Variants in XKR4 observed in about 807,000 individuals in gnomAD.
XKR4 encodes XK related 4.
Under a neutral mutation model 53.9 loss-of-function variants are expected in XKR4, and 12 were observed. The observed-to-expected ratio is 0.22, with a 90% CI of 0.14 to 0.36. XKR4 has a LOEUF of 0.36. Ranked by LOEUF, XKR4 falls within the 10% of genes least tolerant of loss-of-function variation. XKR4 has a pLI of 1.00. For synonymous variants in XKR4, 354 were observed against 362.4 expected, an observed-to-expected ratio of 0.98 and a Z score of 0.26; for missense variants, 799 against 859.5, an observed-to-expected ratio of 0.93 and a Z score of 0.88.
intron 2 of XKR4, chr8:55,454,531 G>T (rs943201700): frequency 5.8e-6 from 8 of 1,383,042 alleles, no homozygotes; most frequent in Non-Finnish European, 8.0e-6. Context: ...GGAAGAGCAG[G>T]CCACGCTGCA....
chr8:55,170,207 C>A lies in XKR4; in HGVS notation c.806+66913C>A, dbSNP rs954750566. 1.1e-4 allele frequency among the ~76,000 whole-genome samples: 16 copies of A among 152,144 alleles called. 1 individual carries two copies. Among genetic ancestry groups the A allele is most frequent in the Non-Finnish European group, 2.1e-4 (14 of 68,038 alleles). ...GAATAACGGGCCCCCCAAATATATT[C>A]GTATCCTAATGCCTGGAACCTGTGA... is the stretch of plus-strand genomic sequence containing the variant. On this transcript the variant is annotated intron_variant, in intron 1 of 2. Transcript: ENST00000327381.
chr8:55,299,875 G>A (rs1279003894), intron 1 of XKR4, among the ~76,000 whole-genome samples: 3 of 152,104 alleles, frequency 2.0e-5, no homozygotes, highest in Admixed American at 2.0e-4. Context: ...GGGTTGCTGT[G>A]TTCCAGGACC....
intron 1 of XKR4, among the ~76,000 whole-genome samples, chr8:55,207,114 C>T (rs1817661117): frequency 6.6e-6 from 1 of 152,208 alleles, no homozygotes; most frequent in Non-Finnish European, 1.5e-5. Context: ...AGAGGTCCTG[C>T]CCCAGATGGC....
chr8:55,209,888 A>G (rs1221495804), intron 1 of XKR4, among the ~76,000 whole-genome samples: 1 of 152,274 alleles, frequency 6.6e-6, no homozygotes, highest in African/African-American at 2.4e-5. Context: ...TTTTGAACGT[A>G]TATTTTTTCC....
At chr8:55,311,848 A>G (rs1215726218) in intron 1 of XKR4, among the ~76,000 whole-genome samples, 6 of 145,296 alleles carry the variant, frequency 4.1e-5, no homozygotes, top group South Asian at 2.2e-4. Flanking sequence ...AAAAAAAAAA[A>G]AAAGAAAAGA....
At chr8:55,175,582 A>G (rs1817220761) in intron 1 of XKR4, among the ~76,000 whole-genome samples, 2 of 152,338 alleles carry the variant, frequency 1.3e-5, no homozygotes, top group Middle Eastern at 3.4e-3. Context: ...AATTATGTCA[A>G]ATGTTAGTTC....
In XKR4 at chr8:55,468,235, A is replaced by G. The variant is rs560718542; in HGVS notation, c.1007-55046A>G. ...AGAGAGATGAATGTATCATTCCTCT[A>G]AATGACTTGGTCGTGGGAAATATAC... On this transcript the variant is annotated intron_variant, in intron 2 of 2. Transcript: ENST00000327381. 2.0e-5 allele frequency among the ~76,000 whole-genome samples: 3 copies of G among 152,262 alleles called. No homozygotes were observed. In the East Asian group the frequency reaches 5.8e-4, roughly 29 times the overall value.
intron 1 of XKR4, among the ~76,000 whole-genome samples, chr8:55,118,725 C>T (rs1443104480): frequency 6.6e-6 from 1 of 152,206 alleles, no homozygotes; most frequent in Non-Finnish European, 1.5e-5. Context: ...GGCTCACCAA[C>T]TTTATTCTGG....
At chr8:55,334,789 T>TA (rs973621891) in intron 1 of XKR4, among the ~76,000 whole-genome samples, 3 of 152,118 alleles carry the variant, frequency 2.0e-5, no homozygotes, top group African/African-American at 7.2e-5. Flanking sequence ...GAAGTCACAC[T>TA]AAAAAACAAA....
At chr8:55,350,011 T>G (rs991201826) in intron 1 of XKR4, among the ~76,000 whole-genome samples, 1 of 151,830 alleles carries the variant, frequency 6.6e-6, no homozygotes, top group African/African-American at 2.4e-5. Flanking sequence ...ATTCTGTGTG[T>G]ACACACACAC....
At chr8:55,245,698 C>T (rs897081217) in intron 1 of XKR4, among the ~76,000 whole-genome samples, 2 of 152,104 alleles carry the variant, frequency 1.3e-5, no homozygotes, top group East Asian at 3.9e-4. Context: ...ACTGAGGACC[C>T]CTGTTAGAAT....
At chr8:55,459,097 G>T (rs921191134) in intron 2 of XKR4, among the ~76,000 whole-genome samples, 5 of 152,126 alleles carry the variant, frequency 3.3e-5, no homozygotes, top group African/African-American at 9.7e-5. Flanking sequence ...CAAAGGAACA[G>T]AATATAGAGT....
At chr8:55,274,726 C>A (rs531579469) in intron 1 of XKR4, among the ~76,000 whole-genome samples, 1 of 152,274 alleles carries the variant, frequency 6.6e-6, no homozygotes, top group Admixed American at 6.5e-5. Flanking sequence ...AGCCACCGTG[C>A]CTGGCCAAAT....
chr8:55,366,910 C>T (rs1803997145), intron 2 of XKR4, among the ~76,000 whole-genome samples: 1 of 152,178 alleles, frequency 6.6e-6, no homozygotes, highest in Non-Finnish European at 1.5e-5. Context: ...CCCACGCCAC[C>T]ACCCACTACC....
intron 1 of XKR4, among the ~76,000 whole-genome samples, chr8:55,227,354 A>C (rs2129366329): frequency 6.6e-6 from 1 of 152,350 alleles, no homozygotes; most frequent in African/African-American, 2.4e-5. Context: ...TCTATAAAGA[A>C]CCACTGAGGG....
At chr8:55,257,018 T>C (rs1296592432) in intron 1 of XKR4, among the ~76,000 whole-genome samples, 3 of 152,228 alleles carry the variant, frequency 2.0e-5, no homozygotes, top group African/African-American at 4.8e-5. Flanking sequence ...GTAAGGGTAC[T>C]GATCCCATTC....
chr8:55,177,267 C>A, intron 1 of XKR4, among the ~76,000 whole-genome samples: 1 of 152,092 alleles, frequency 6.6e-6, no homozygotes, highest in Non-Finnish European at 1.5e-5. Flanking sequence ...AAACTCCTGA[C>A]CTCAGGCCAT....
At chr8:55,235,403 G>A (rs56398911) in intron 1 of XKR4, among the ~76,000 whole-genome samples, 75 of 152,264 alleles carry the variant, frequency 4.9e-4, no homozygotes, top group South Asian at 2.5e-3. Context: ...TGCCTCAAAT[G>A]TAAAATATGG....
At chr8:55,475,586 A>G (rs937073330) in intron 2 of XKR4, among the ~76,000 whole-genome samples, 4 of 115,742 alleles carry the variant, frequency 3.5e-5, no homozygotes, top group Middle Eastern at 3.9e-3. Context: ...TCACTTATTT[A>G]TTTATTTATT....
Sources: gnomAD v4.1 joint callset for allele counts (sites outside exome capture counted in the v4.1 genomes callset) on GRCh38, gnomAD v4.1.1 for gene constraint, MANE v1.5 for transcripts, NCBI Gene and HGNC (gene_info 2026-07-23, HGNC 2026-07-21) for gene names.